PHLDB1: variants seen among roughly 807,000 people sequenced by gnomAD.
The protein encoded by PHLDB1 is pleckstrin homology-like domain family B member 1.
A neutral mutation model predicts 139.3 loss-of-function variants in PHLDB1; 65 were observed. The ratio of observed to expected loss-of-function variants is 0.47; its 90% confidence interval spans 0.38 to 0.57. PHLDB1 has a LOEUF of 0.57. Among genes scored for constraint, PHLDB1 ranks in the 20% least tolerant of loss-of-function variants. The probability of loss-of-function intolerance (pLI) is 0.00; values close to 1 mark genes in which losing one functional copy is unlikely to be tolerated. For synonymous variants in PHLDB1, 679 were observed against 734.5 expected, an observed-to-expected ratio of 0.92 and a Z score of 1.22; for missense variants, 1,624 against 1,839.7, an observed-to-expected ratio of 0.88 and a Z score of 2.14.
intron 9 of PHLDB1, chr11:118,633,840 C>T (rs1217353665): frequency 6.6e-6 from 1 of 152,242 alleles, no homozygotes; most frequent in Non-Finnish European, 1.5e-5. Context: ...CATAGGGCCT[C>T]ACTCCCAGGG....
chr11:118,628,784 C>A (rs1944302529), intron 6 of PHLDB1, 134 bp downstream of exon 6: 1 of 720,456 alleles, frequency 1.4e-6, no homozygotes, highest in Non-Finnish European at 2.2e-6. Context: ...CTCCAGGATA[C>A]ACTTTAGTGA....
Position 118,647,926 on chromosome 11 carries a change from G to T in PHLDB1, c.3508-4G>T. On this transcript the variant is annotated splice_polypyrimidine_tract_variant and splice_region_variant and intron_variant, in intron 17 of 22. Coordinates refer to ENST00000600882, the MANE Select transcript of PHLDB1 (RefSeq NM_001144758.3). ...AGGTGCTGACCCCTTGGCTTTGGGGGCAGGAGCGGGAGATGGAGCTGCGGC... is the reference window on the plus strand; with the variant it reads ...AGGTGCTGACCCCTTGGCTTTGGGGTCAGGAGCGGGAGATGGAGCTGCGGC... The T allele has an allele frequency of 6.4e-7, 1 of 1,562,460 alleles. No homozygotes were observed. Among genetic ancestry groups the T allele is most frequent in the South Asian group, 1.2e-5 (1 of 85,002 alleles).
chr11:118,618,319 C>G (rs1426885529), intron 4 of PHLDB1, among the ~76,000 whole-genome samples: 1 of 152,158 alleles, frequency 6.6e-6, no homozygotes, highest in Non-Finnish European at 1.5e-5. Context: ...CCAGTCCTCC[C>G]CCTCCCCTGG....
In PHLDB1 at chr11:118,650,844, A is replaced by G. The variant is rs494560; in HGVS notation, c.3874+297A>G. On this transcript the variant is annotated intron_variant, in intron 20 of 22. Transcript: ENST00000600882. The surrounding 1 kb of genome is among the most constrained non-coding windows in gnomAD (Gnocchi z 4.7). Reference sequence around the variant, plus strand: ...CAGCGCTCTCATGGAGCTTATAATCAGGGAAGCAGACAAGAGTGATAACCA... The same window carrying G: ...CAGCGCTCTCATGGAGCTTATAATCGGGGAAGCAGACAAGAGTGATAACCA... 233,735 of 402,654 alleles carry G rather than the reference A, an allele frequency of 0.58. 68,777 individuals carry two copies. Among genetic ancestry groups the G allele is most frequent in the East Asian group, 0.73 (14,730 of 20,212 alleles). The allele number at this position is 402,654 out of a possible 1,614,324, so 24.9% of individuals were successfully genotyped here.
rs1471782146 is a variant in PHLDB1, at chr11:118,645,008, G to A, written c.3122-348G>A. The stretch of plus-strand genomic sequence containing the variant: ...CCCTTCTCCAGCAGGCAGGGTGGGT[G>A]CATGTATCCTGCCTAGACCTACTTA... On this transcript the variant is annotated intron_variant, in intron 15 of 22. Coordinates refer to ENST00000600882, the MANE Select transcript of PHLDB1 (RefSeq NM_001144758.3). The surrounding 1 kb of genome is among the most constrained non-coding windows in gnomAD (Gnocchi z 5.1). 2.9e-6 allele frequency: 1 copy of A among 341,418 alleles called. No homozygotes were observed. Among genetic ancestry groups the A allele is most frequent in the Non-Finnish European group, 5.4e-6 (1 of 185,190 alleles). 21.1% of individuals were successfully genotyped at this position (341,418 alleles called of 1,614,324 possible).
chr11:118,640,274 C>T (rs1369763551), intron 12 of PHLDB1: 2 of 152,390 alleles, frequency 1.3e-5, no homozygotes, highest in African/African-American at 2.4e-5. Flanking sequence ...GACCCTCTGA[C>T]TGACTTTCCT....
intron 1 of PHLDB1, among the ~76,000 whole-genome samples, chr11:118,609,700 G>A (rs1939796858): frequency 6.6e-6 from 1 of 152,218 alleles, no homozygotes; most frequent in Non-Finnish European, 1.5e-5. Context: ...TCTCTGCCCC[G>A]CCAAAGAAAG....
intron 4 of PHLDB1, chr11:118,621,468 C>T (rs2135959173): frequency 6.6e-6 from 1 of 152,336 alleles, no homozygotes; most frequent in South Asian, 2.1e-4. Flanking sequence ...CCCTCAAAGG[C>T]TCCGGGCGGG....
At chr11:118,647,104 GTTC>G (rs1484457033) in intron 17 of PHLDB1, 8 of 152,160 alleles carry the variant, frequency 5.3e-5, no homozygotes, top group African/African-American at 1.9e-4. Context: ...TATAAGTTCA[GTTC>G]TGACCTTAGT....
intron 12 of PHLDB1, chr11:118,639,490 C>A: frequency 3.9e-6 from 2 of 513,454 alleles, no homozygotes; most frequent in South Asian, 2.1e-5. Context: ...TTTTTGGTGG[C>A]TGAATATATG....
rs782612612 is a variant in PHLDB1, at chr11:118,631,309, G to A, written c.1930G>A (p.Ala644Thr). ...GELPSIGEAT[A>T]ALALAGRRPS... is the part of the protein sequence containing the mutation. ...GCTTCCCAGCATTGGGGAGGCCACC[G>A]CAGCATTGGCACTGGCAGGCCGGAG... is the stretch of plus-strand genomic sequence containing the variant. The change falls in exon 7 of 23, where the codon GCA (alanine) becomes ACA (threonine). Residue 644 changes from alanine (A) to threonine (T), a missense_variant. By Grantham distance (58) the Ala-to-Thr change is moderately conservative (BLOSUM62 0). Coordinates refer to ENST00000600882, the MANE Select transcript of PHLDB1 (RefSeq NM_001144758.3). The A allele has an allele frequency of 1.2e-5, 18 of 1,543,314 alleles. No individual in the cohort carries two copies. The highest frequency in any genetic ancestry group is 7.0e-5 in the African/African-American group (5 of 70,960).
At chr11:118,635,940 T>C (rs1245198787) in intron 10 of PHLDB1, among the ~76,000 whole-genome samples, 1 of 152,176 alleles carries the variant, frequency 6.6e-6, no homozygotes, top group African/African-American at 2.4e-5. Context: ...ATCTGGATAT[T>C]AGAGCCAGCT....
chr11:118,612,697 C>G (rs1555085102), intron 1 of PHLDB1, among the ~76,000 whole-genome samples: 1 of 152,192 alleles, frequency 6.6e-6, no homozygotes, highest in Non-Finnish European at 1.5e-5. Context: ...CTAAGGTCCT[C>G]GGGACCCACT....
intron 4 of PHLDB1, among the ~76,000 whole-genome samples, chr11:118,623,006 A>G (rs1380134984): frequency 6.6e-6 from 1 of 152,136 alleles, no homozygotes; most frequent in African/African-American, 2.4e-5. Context: ...TTCTCAGCCT[A>G]CTAAACCCCC....
chr11:118,639,682 G>C (rs1946209825), intron 12 of PHLDB1: 1 of 239,250 alleles, frequency 4.2e-6, no homozygotes, highest in Non-Finnish European at 7.5e-6. Flanking sequence ...CCCCTTAAGT[G>C]GTTCTTCCCC....
intron 21 of PHLDB1, 47 bp downstream of exon 21, chr11:118,655,737 G>A (rs1948956077): frequency 2.0e-6 from 3 of 1,532,596 alleles, no homozygotes; most frequent in Non-Finnish European, 2.7e-6. Context: ...ACAGCCATGG[G>A]GAAGGGGTGG....
At position 118,613,481 on chromosome 11, in the gene PHLDB1, A is replaced by G. The variant is rs1233974552; in HGVS notation, c.-21-335A>G. ...TTTTCCCCACCCTGCTTAAGGCTCC[A>G]CAGGGCCAAGGGTCTTCAGCTGTCA... On this transcript the variant is annotated intron_variant, in intron 1 of 22. Transcript: ENST00000600882. 6.9e-6 allele frequency: 7 copies of G among 1,010,292 alleles called. No homozygotes were observed. The African/African-American group carries it at 1.0e-4, about 15-fold the overall frequency. The allele number at this position is 1,010,292 out of a possible 1,614,324, so 62.6% of individuals were successfully genotyped here.
At chr11:118,619,066 C>T (rs1555092233) in intron 4 of PHLDB1, among the ~76,000 whole-genome samples, 1 of 152,130 alleles carries the variant, frequency 6.6e-6, no homozygotes, top group African/African-American at 2.4e-5. Context: ...CTCTACAGAG[C>T]AAGGGGTGGA....
chr11:118,624,767 AC>A, intron 4 of PHLDB1, 166 bp from the exon 5 acceptor site: 1 of 606,314 alleles, frequency 1.6e-6, no homozygotes, highest in Non-Finnish European at 2.9e-6. Context: ...CCACCACCAC[AC>A]CCGGCTAATT....
Sources: gnomAD v4.1 joint callset for allele counts (sites outside exome capture counted in the v4.1 genomes callset) on GRCh38, gnomAD v4.1.1 for gene constraint, Gnocchi (gnomAD v3.1) non-coding constraint, MANE v1.5 for transcripts, NCBI Gene and HGNC (gene_info 2026-07-23, HGNC 2026-07-21) for gene names.